The following SV2C variants were observed in gnomAD, a reference collection of about 807,000 sequenced individuals.
The protein encoded by SV2C is solute carrier family 22 member B3.
In SV2C, 49 loss-of-function variants were observed where a neutral mutation model predicts 79.7. The ratio of observed to expected loss-of-function variants is 0.61; its 90% CI spans 0.49 to 0.78. SV2C has a LOEUF of 0.78. SV2C is among the 30% of genes least tolerant of loss of function. The pLI is 0.00. For missense variants in SV2C, 833 were observed against 912.9 expected, an observed-to-expected ratio of 0.91 and a Z score of 1.13; for synonymous variants, 334 against 333.2, an observed-to-expected ratio of 1.00 and a Z score of -0.03.
At chr5:76,334,856 G>A (rs569359957), downstream of SV2C, among the ~76,000 whole-genome samples, 1 of 152,248 alleles carries the variant, frequency 6.6e-6, no homozygotes, top group East Asian at 1.9e-4. Flanking sequence ...GCTGTAAGGG[G>A]CCCAGTCTCT....
chr5:76,022,269 C>T, the SV2C span, among the ~76,000 whole-genome samples: 2 of 152,322 alleles, frequency 1.3e-5, no homozygotes, highest in East Asian at 3.9e-4. Flanking sequence ...TTCCCAAGTA[C>T]CTGACTGCCC....
intron 1 of SV2C, among the ~76,000 whole-genome samples, chr5:76,087,494 T>G (rs1257951272): frequency 6.6e-6 from 1 of 152,166 alleles, no homozygotes. Flanking sequence ...AACCCTAGAA[T>G]CCTAGAGTAG....
At chr5:76,227,938 G>T (rs1745302189) in intron 4 of SV2C, among the ~76,000 whole-genome samples, 1 of 152,200 alleles carries the variant, frequency 6.6e-6, no homozygotes, top group African/African-American at 2.4e-5. Flanking sequence ...TTACACGCGG[G>T]CCAGCAGAAT....
chr5:76,342,405 GCAACTGTTCA>G (rs1749459413), intron 12 of SV2C, among the ~76,000 whole-genome samples: 1 of 152,218 alleles, frequency 6.6e-6, no homozygotes, highest in African/African-American at 2.4e-5. Flanking sequence ...AGACCAAAGA[GCAACTGTTCA>G]CAGCAGGCCA....
chr5:76,046,412 T>A, the SV2C span, among the ~76,000 whole-genome samples: 1 of 152,138 alleles, frequency 6.6e-6, no homozygotes, highest in African/African-American at 2.4e-5. Context: ...TGACATCCAA[T>A]TGAGTCTTGA....
At chr5:76,240,237 C>G (rs1745742302) in intron 4 of SV2C, among the ~76,000 whole-genome samples, 1 of 152,170 alleles carries the variant, frequency 6.6e-6, no homozygotes, top group Non-Finnish European at 1.5e-5. Flanking sequence ...TTCCCACACC[C>G]CTACCCCAAA....
chr5:76,055,085 C>T, the SV2C span, among the ~76,000 whole-genome samples: 2 of 152,102 alleles, frequency 1.3e-5, no homozygotes, highest in African/African-American at 4.8e-5. Flanking sequence ...TGCCTATGTC[C>T]TGAATGGTAT....
At chr5:76,225,974 G>T (rs1433667363) in intron 4 of SV2C, among the ~76,000 whole-genome samples, 1 of 152,178 alleles carries the variant, frequency 6.6e-6, no homozygotes. Flanking sequence ...GAAATCTCTG[G>T]TCTGGGGTAA....
intron 2 of SV2C, among the ~76,000 whole-genome samples, chr5:76,163,957 G>T (rs1268134539): frequency 2.0e-5 from 3 of 152,180 alleles, no homozygotes; most frequent in Non-Finnish European, 2.9e-5. Flanking sequence ...ACTGATGTTG[G>T]AGCTTCCTGG....
At chr5:75,893,117 C>T in the SV2C span, among the ~76,000 whole-genome samples, 1 of 152,084 alleles carries the variant, frequency 6.6e-6, no homozygotes, top group African/African-American at 2.4e-5. Context: ...GATAGCCATT[C>T]TGATTGGTGT....
At chr5:76,257,025 A>G (rs57600986) in intron 4 of SV2C, among the ~76,000 whole-genome samples, 6,877 of 152,260 alleles carry the variant, frequency 0.045, 462 homozygotes, top group African/African-American at 0.15. Context: ...ATCAAAGCAC[A>G]TTTCCATTTT....
chr5:76,079,571 T>G, upstream of SV2C: 1 of 324,418 alleles, frequency 3.1e-6, no homozygotes, highest in South Asian at 3.3e-5. Flanking sequence ...TTTTGACCCA[T>G]GAATGAATGT....
the SV2C span, among the ~76,000 whole-genome samples, chr5:76,043,229 A>G: frequency 6.6e-6 from 1 of 152,118 alleles, no homozygotes; most frequent in Non-Finnish European, 1.5e-5. Context: ...GGTTTCAGTG[A>G]TCCCCATCTC....
chr5:76,077,095 A>T, the SV2C span, among the ~76,000 whole-genome samples: 5,537 of 152,308 alleles, frequency 0.036, 346 homozygotes, highest in African/African-American at 0.13. Context: ...AGTAGCAATA[A>T]TCATCAACAA....
chr5:75,989,259 T>TAAGTC, the SV2C span, among the ~76,000 whole-genome samples: 1 of 151,882 alleles, frequency 6.6e-6, no homozygotes, highest in East Asian at 1.9e-4. Flanking sequence ...ACCTAGGTAT[T>TAAGTC]AAGTCCGACA....
At position 76,298,851 on chromosome 5, in the gene SV2C, C is replaced by T; in HGVS notation, c.1560C>T (p.Cys520=). 1 of 1,613,966 alleles carries T rather than the reference C, an allele frequency of 6.2e-7. No individual in the cohort carries two copies. The highest frequency in any genetic ancestry group is 8.5e-7 in the Non-Finnish European group (1 of 1,179,880). ...VTFKDSVFKS[C]TFEDVTSVNT... is the part of the protein sequence containing the mutation. ...TCAAAGACTCTGTTTTTAAGTCCTG[C>T]ACCTTTGAGGATGTAACTTCAGTGA... The change falls in exon 10 of 13, where the codon TGC becomes TGT. Residue 520 remains cysteine (C), a synonymous_variant. Transcript: ENST00000502798.
the SV2C span, among the ~76,000 whole-genome samples, chr5:75,994,339 G>A: frequency 0.75 from 114,156 of 151,900 alleles, 43,096 homozygotes; most frequent in African/African-American, 0.79. Flanking sequence ...TTATTTATAG[G>A]CGTTCCACCT....
intron 12 of SV2C, among the ~76,000 whole-genome samples, chr5:76,305,910 A>T (rs896486517): frequency 1.3e-5 from 2 of 152,156 alleles, no homozygotes; most frequent in Non-Finnish European, 2.9e-5. Context: ...GTGGGAGGGG[A>T]CTGAACATTC....
At chr5:76,026,201 AACACACACACACACACACACACACAC>A in the SV2C span, among the ~76,000 whole-genome samples, 4,998 of 140,138 alleles carry the variant, frequency 0.036, 150 homozygotes, top group Non-Finnish European at 0.055. Context: ...CAAATTTACA[AACACACACACACACACACACACACAC>A]ACACACACAC....
Sources: allele counts gnomAD v4.1 joint callset (sites outside exome capture counted in the v4.1 genomes callset), GRCh38; gene constraint gnomAD v4.1.1; transcripts MANE v1.5; gene names NCBI Gene and HGNC (gene_info 2026-07-23, HGNC 2026-07-21).